IFT88: variants seen among roughly 807,000 people sequenced by gnomAD.
IFT88 encodes intraflagellar transport 88.
A neutral mutation model predicts 119.5 loss-of-function variants in IFT88; 74 were observed. The observed-to-expected ratio is 0.62, with a 90% CI of 0.51 to 0.75. The LOEUF is 0.75. IFT88 is among the 30% of genes least tolerant of loss of function. The probability of loss-of-function intolerance (pLI) is 0.00; values close to 1 mark genes in which losing one functional copy is unlikely to be tolerated. For synonymous variants in IFT88, 279 were observed against 316.7 expected (o/e 0.88, Z 1.26); for missense variants, 961 against 977.7 (o/e 0.98, Z 0.23).
intron 2 of IFT88, among the ~76,000 whole-genome samples, chr13:20,579,050 AT>A (rs2038028483): frequency 6.6e-6 from 1 of 151,894 alleles, no homozygotes; most frequent in Non-Finnish European, 1.5e-5. Flanking sequence ...TCTGATATTT[AT>A]TATTTTCTTT....
chr13:20,592,226 AT>A, intron 6 of IFT88, 108 bp from the exon 7 acceptor site: 1 of 770,180 alleles, frequency 1.3e-6, no homozygotes, highest in Non-Finnish European at 2.1e-6. Context: ...AATTGAAACC[AT>A]TTAATAAAGA....
chr13:20,688,039 G>T (rs1161764512), intron 24 of IFT88, among the ~76,000 whole-genome samples: 2 of 152,196 alleles, frequency 1.3e-5, no homozygotes, highest in East Asian at 1.9e-4. Flanking sequence ...GGCCAAGTCG[G>T]AAAGAGGCCA....
chr13:20,672,845 T>C (rs2056103846), intron 24 of IFT88, among the ~76,000 whole-genome samples: 1 of 151,036 alleles, frequency 6.6e-6, no homozygotes, highest in African/African-American at 2.5e-5. Context: ...AGAGTTGGCT[T>C]TCAGAGCTCT....
intron 10 of IFT88, among the ~76,000 whole-genome samples, chr13:20,598,991 C>G (rs976953008): frequency 3.3e-5 from 5 of 151,962 alleles, no homozygotes; most frequent in African/African-American, 1.2e-4. Flanking sequence ...TAGAATGAGC[C>G]ATGACATCCT....
chr13:20,638,409 T>C lies in IFT88; in HGVS notation c.1464T>C (p.Thr488=). 1 of 1,524,120 alleles carries C rather than the reference T, an allele frequency of 6.6e-7. No homozygotes were observed. Among genetic ancestry groups the C allele is most frequent in the Non-Finnish European group, 8.8e-7 (1 of 1,140,724 alleles). The allele number at this position is 1,524,120 out of a possible 1,614,324, so 94.4% of individuals were successfully genotyped here. ...ATAGATATAATCCAGCAGCTCTTACTAATAAAGGGAATACAGTTTTTGCAA... is the reference window on the plus strand; with the variant it reads ...ATAGATATAATCCAGCAGCTCTTACCAATAAAGGGAATACAGTTTTTGCAA... ...NSDRYNPAAL[T]NKGNTVFANG... is the part of the protein sequence containing the mutation. Residue 488 remains threonine (T), a synonymous_variant, in exon 17 of 26, where the codon ACT becomes ACC. Transcript: ENST00000351808.
chr13:20,691,122 G>C lies in IFT88; in HGVS notation c.2422G>C (p.Asp808His). The change falls in exon 26 of 26, where the codon GAT becomes CAT. Residue 808 changes from aspartate (D) to histidine (H), a missense_variant. Transcript: ENST00000351808. ...AAAAACTGCAGCCAAGAAAAGGATC[G>C]ATGAGGATGATTTTGCTGATGAAGA... ...RPKTAAKKRI[D>H]EDDFADEELG... is the part of the protein sequence containing the mutation. 2 of 1,613,880 alleles carry C rather than the reference G, an allele frequency of 1.2e-6. No individual in the cohort carries two copies. Among genetic ancestry groups the C allele is most frequent in the Non-Finnish European group, 1.7e-6 (2 of 1,179,822 alleles).
intron 20 of IFT88, 115 bp from the exon 21 acceptor site, chr13:20,653,761 A>T (rs2052219979): frequency 7.8e-6 from 4 of 511,148 alleles, no homozygotes; most frequent in Non-Finnish European, 1.4e-5. Flanking sequence ...CAATAATAAA[A>T]ATTATCTAAC....
chr13:20,630,316 T>C (rs1188428889), intron 15 of IFT88, among the ~76,000 whole-genome samples: 2 of 152,258 alleles, frequency 1.3e-5, no homozygotes, highest in African/African-American at 4.8e-5. Context: ...TTTGCTTTGC[T>C]AGCTCTACAG....
rs967704678 is a variant in IFT88 at position 20,644,893 on chromosome 13, C to G, written c.1884C>G (p.Ala628=). Residue 628 remains alanine (A), a synonymous_variant, in exon 20 of 26, where the codon GCC becomes GCG. Coordinates refer to ENST00000351808, the MANE Select transcript of IFT88 (RefSeq NM_006531.5). ...CNIEVIEWLG[A]YYIDTQFWEK... ...TTGAAGTCATTGAGTGGCTTGGAGC[C>G]TATTACATTGACACCCAATTTTGGG... is the stretch of plus-strand genomic sequence containing the variant. 6.2e-7 allele frequency: 1 copy of G among 1,606,176 alleles called. No homozygotes were observed. Among genetic ancestry groups the G allele is most frequent in the Non-Finnish European group, 8.5e-7 (1 of 1,174,586 alleles).
chr13:20,685,188 C>T (rs140609270), intron 24 of IFT88, among the ~76,000 whole-genome samples: 1,857 of 152,290 alleles, frequency 0.012, 35 homozygotes, highest in African/African-American at 0.043. Flanking sequence ...AGCAAAAACA[C>T]GTTGTTAAGA....
chr13:20,621,130 A>G (rs2046409813), intron 14 of IFT88, among the ~76,000 whole-genome samples: 3 of 151,974 alleles, frequency 2.0e-5, no homozygotes, highest in African/African-American at 4.8e-5. Flanking sequence ...CAGTGGCGCA[A>G]TCTCTGCTCA....
intron 7 of IFT88, 85 bp downstream of exon 7, chr13:20,592,489 A>C: frequency 1.0e-6 from 1 of 977,618 alleles, no homozygotes; most frequent in Non-Finnish European, 1.5e-6. Context: ...TTTTTTTTTG[A>C]GATGATATCT....
intron 6 of IFT88, 86 bp downstream of exon 6, chr13:20,591,767 A>C: frequency 1.2e-6 from 1 of 845,380 alleles, no homozygotes. Context: ...TGTCATTTTA[A>C]ATAAAATCTA....
chr13:20,607,747 T>C (rs1189206337), intron 13 of IFT88: 1 of 753,388 alleles, frequency 1.3e-6, no homozygotes, highest in Non-Finnish European at 2.5e-6. Flanking sequence ...CTTCTGTAAC[T>C]TTGCCTAGAA....
At chr13:20,636,171 A>G (rs2048999400) in intron 16 of IFT88, among the ~76,000 whole-genome samples, 1 of 152,110 alleles carries the variant, frequency 6.6e-6, no homozygotes, top group African/African-American at 2.4e-5. Context: ...GTAGGCTGCT[A>G]TGGAACAGAG....
chr13:20,640,700 A>C (rs185693220), intron 17 of IFT88, among the ~76,000 whole-genome samples: 2 of 152,206 alleles, frequency 1.3e-5, no homozygotes, highest in Admixed American at 6.5e-5. Flanking sequence ...ACTAAACTCT[A>C]TAGTTGAGTG....
At chr13:20,612,740 C>T (rs999307295) in intron 13 of IFT88, among the ~76,000 whole-genome samples, 1 of 152,090 alleles carries the variant, frequency 6.6e-6, no homozygotes, top group African/African-American at 2.4e-5. Context: ...TTGATGAAGA[C>T]ACTGTGAAGA....
At chr13:20,646,651 C>G (rs1019911798) in intron 20 of IFT88, among the ~76,000 whole-genome samples, 2 of 152,026 alleles carry the variant, frequency 1.3e-5, no homozygotes, top group African/African-American at 4.8e-5. Flanking sequence ...CAATGTCCAG[C>G]TGTCTGAACA....
intron 16 of IFT88, among the ~76,000 whole-genome samples, chr13:20,634,272 C>G (rs1034435870): frequency 2.0e-5 from 3 of 152,148 alleles, no homozygotes; most frequent in Admixed American, 1.3e-4. Context: ...GAGGTGTGAT[C>G]CACTGGAGTC....
Sources: gnomAD v4.1 joint callset for allele counts (sites outside exome capture counted in the v4.1 genomes callset) on GRCh38, gnomAD v4.1.1 for gene constraint, MANE v1.5 for transcripts, NCBI Gene and HGNC (gene_info 2026-07-23, HGNC 2026-07-21) for gene names.